The following PRKCQ variants were observed in gnomAD, a reference collection of about 807,000 sequenced individuals.
PRKCQ encodes the protein protein kinase C theta type.
Under a neutral mutation model 91.2 loss-of-function variants are expected in PRKCQ, and 41 were observed. The ratio of observed to expected loss-of-function variants is 0.45; its 90% confidence interval spans 0.35 to 0.58. PRKCQ has a LOEUF of 0.58. Among genes scored for constraint, PRKCQ ranks in the 20% least tolerant of loss-of-function variants. PRKCQ has a pLI of 0.00. For synonymous variants in PRKCQ, 307 were observed against 316.9 expected (o/e 0.97, Z 0.33); for missense variants, 673 against 896.5 (o/e 0.75, Z 3.18).
intron 15 of PRKCQ, among the ~76,000 whole-genome samples, chr10:6,442,628 T>C (rs989822577): frequency 1.3e-5 from 2 of 152,076 alleles, no homozygotes; most frequent in Admixed American, 6.6e-5. Flanking sequence ...CAGAATCAAA[T>C]TGTGTCCTGT....
chr10:6,456,318 C>T (rs1279028182), intron 15 of PRKCQ, among the ~76,000 whole-genome samples: 1 of 152,188 alleles, frequency 6.6e-6, no homozygotes, highest in East Asian at 1.9e-4. Context: ...GAAACTCAGT[C>T]CAGGTCTTCT....
intron 11 of PRKCQ, among the ~76,000 whole-genome samples, chr10:6,481,631 T>G (rs1052825440): frequency 2.0e-5 from 3 of 151,474 alleles, no homozygotes; most frequent in South Asian, 2.1e-4. Flanking sequence ...AAACCCCAAA[T>G]GGAGCTCAAT....
At chr10:6,516,284 G>C (rs1838750797) in intron 1 of PRKCQ, among the ~76,000 whole-genome samples, 1 of 152,174 alleles carries the variant, frequency 6.6e-6, no homozygotes, top group Non-Finnish European at 1.5e-5. Context: ...CTCCACAAGA[G>C]AGACAAATTA....
chr10:6,524,871 G>A (rs991012593), intron 1 of PRKCQ, among the ~76,000 whole-genome samples: 4 of 152,188 alleles, frequency 2.6e-5, no homozygotes, highest in Non-Finnish European at 4.4e-5. Context: ...GTGCCTCCTG[G>A]CTGCAGCGGG....
intron 9 of PRKCQ, 139 bp from the exon 10 acceptor site, chr10:6,485,408 CT>C (rs1156394886): frequency 2.9e-6 from 2 of 700,166 alleles, no homozygotes; most frequent in African/African-American, 1.8e-5. Flanking sequence ...CCTCAACGTT[CT>C]TTTGGAACCC....
At position 6,428,335 on chromosome 10, in the gene PRKCQ, C is replaced by T. The variant is rs765137067; in HGVS notation, c.1993G>A (p.Asp665Asn). Residue 665 changes from aspartate (D) to asparagine (N), a missense_variant, in exon 18 of 18, where the codon GAC becomes AAC. Transcript: ENST00000263125. The part of the protein sequence containing the change: ...VKSPFDCSNF[D>N]KEFLNEKPRL... The stretch of plus-strand genomic sequence containing the variant: ...GGCTTCTCGTTTAAGAATTCTTTGT[C>T]GAAATTGCTGCAGTCAAATGGTGAT... 3 of 1,613,462 alleles carry T rather than the reference C, an allele frequency of 1.9e-6. No homozygotes were observed. The highest frequency in any genetic ancestry group is 2.5e-6 in the Non-Finnish European group (3 of 1,179,850).
In PRKCQ at chr10:6,497,469, A is replaced by ATTTC. The variant is rs112632575; in HGVS notation, c.543-219_543-218insGAAA. 5.3e-5 allele frequency among the ~76,000 whole-genome samples: 8 copies of ATTTC among 152,320 alleles called. No homozygotes were observed. The South Asian group carries it at 8.3e-4, about 16-fold the overall frequency. The stretch of plus-strand genomic sequence containing the variant: ...TAATTAAATAAATGAGAACTGGCTG[A>ATTTC]TTTATCATCCTTGTATTTTCCAAAC... On this transcript the variant is annotated intron_variant, in intron 5 of 17. Transcript: ENST00000263125. The surrounding 1 kb of genome is among the most constrained non-coding windows in gnomAD (Gnocchi z 4.5).
chr10:6,532,620 A>G (rs1338956333), intron 1 of PRKCQ, among the ~76,000 whole-genome samples: 1 of 152,236 alleles, frequency 6.6e-6, no homozygotes, highest in Non-Finnish European at 1.5e-5. Context: ...CTTACAAGAC[A>G]CCAATCTCTC....
At chr10:6,429,771 C>G (rs1487706904) in intron 17 of PRKCQ, among the ~76,000 whole-genome samples, 1 of 149,744 alleles carries the variant, frequency 6.7e-6, no homozygotes, top group Non-Finnish European at 1.5e-5. Context: ...GTCTCTCGCT[C>G]TGTCACCAGG....
chr10:6,574,095 G>A lies in PRKCQ; in HGVS notation c.-10+6116C>T, dbSNP rs571343948. The stretch of plus-strand genomic sequence containing the variant: ...CGTGCCACTGCACTCCAGCCTGGGC[G>A]ACAGAGCAAGACCCCGTAAAAAAAA... On this transcript the variant is annotated intron_variant, in intron 1 of 17. Transcript: ENST00000263125. 3.9e-5 allele frequency among the ~76,000 whole-genome samples: 6 copies of A among 152,296 alleles called. No homozygotes were observed. In the South Asian group the frequency reaches 6.2e-4, roughly 16 times the overall value.
chr10:6,498,626 AG>A, intron 4 of PRKCQ, 68 bp from the exon 5 acceptor site: 1 of 1,518,378 alleles, frequency 6.6e-7, no homozygotes, highest in Non-Finnish European at 9.0e-7. Context: ...AAGCTGGGTC[AG>A]GAGGGGAGGG....
chr10:6,546,805 G>A (rs1024671129), intron 1 of PRKCQ, among the ~76,000 whole-genome samples: 6 of 152,132 alleles, frequency 3.9e-5, no homozygotes, highest in Non-Finnish European at 7.4e-5. Flanking sequence ...TCCCTGTCTT[G>A]TGCCAGTTTT....
intron 4 of PRKCQ, among the ~76,000 whole-genome samples, chr10:6,500,399 A>G (rs622998): frequency 0.44 from 66,666 of 151,170 alleles, 17,612 homozygotes; most frequent in Middle Eastern, 0.59. Flanking sequence ...AACATATTTT[A>G]TACATATATC....
At chr10:6,397,790 C>A in the PRKCQ span, among the ~76,000 whole-genome samples, 2 of 152,076 alleles carry the variant, frequency 1.3e-5, no homozygotes, top group African/African-American at 4.8e-5. Context: ...GCGGGCACAG[C>A]AGTGGGCACC....
intron 1 of PRKCQ, among the ~76,000 whole-genome samples, chr10:6,574,401 G>A (rs4750638): frequency 0.41 from 62,920 of 152,076 alleles, 13,158 homozygotes; most frequent in African/African-American, 0.48. Flanking sequence ...ACAACTCTAC[G>A]GGACAGTCTG....
At chr10:6,398,759 T>C in the PRKCQ span, among the ~76,000 whole-genome samples, 1 of 151,852 alleles carries the variant, frequency 6.6e-6, no homozygotes, top group Non-Finnish European at 1.5e-5. Flanking sequence ...TTTTTTTTTC[T>C]CTTTTCTTTT....
At chr10:6,529,014 C>T (rs914436389) in intron 1 of PRKCQ, among the ~76,000 whole-genome samples, 2 of 152,170 alleles carry the variant, frequency 1.3e-5, no homozygotes, top group African/African-American at 2.4e-5. Flanking sequence ...TGGAGTTTCT[C>T]GGAATACCCT....
the PRKCQ span, among the ~76,000 whole-genome samples, chr10:6,395,761 A>G: frequency 6.6e-6 from 1 of 152,178 alleles, no homozygotes; most frequent in Non-Finnish European, 1.5e-5. Flanking sequence ...AGCAAGGCGG[A>G]GTCAGGTCAG....
downstream of PRKCQ, among the ~76,000 whole-genome samples, chr10:6,423,313 G>A (rs781453014): frequency 6.1e-4 from 93 of 152,288 alleles, no homozygotes; most frequent in Non-Finnish European, 1.1e-3. Context: ...ACAGGCACAC[G>A]CATGCCCCAG....
Sources: gnomAD v4.1 joint callset for allele counts (sites outside exome capture counted in the v4.1 genomes callset) on GRCh38, gnomAD v4.1.1 for gene constraint, Gnocchi (gnomAD v3.1) non-coding constraint, MANE v1.5 for transcripts, NCBI Gene and HGNC (gene_info 2026-07-23, HGNC 2026-07-21) for gene names.